Variants in KDM4C observed in about 807,000 individuals in gnomAD.
KDM4C encodes the protein lysine-specific demethylase 4C.
In KDM4C, 81 loss-of-function variants were observed where a neutral mutation model predicts 129.3. That is an observed-to-expected ratio of 0.63 (90% CI 0.52 to 0.75). The LOEUF is 0.75. Among genes scored for constraint, KDM4C ranks in the 30% least tolerant of loss-of-function variants. KDM4C has a pLI of 0.00. For missense variants in KDM4C, 1,457 were observed against 1,304.0 expected (o/e 1.12, Z -1.81); for synonymous variants, 573 against 456.1 (o/e 1.26, Z -3.26).
intron 8 of KDM4C, chr9:6,925,135 A>G (rs769741614): frequency 2.0e-6 from 2 of 985,322 alleles, no homozygotes; most frequent in Non-Finnish European, 2.4e-6. Context: ...TCTTTCATGG[A>G]TGCCAAGCAG....
At chr9:6,921,052 A>C (rs936439017) in intron 8 of KDM4C, among the ~76,000 whole-genome samples, 1 of 151,676 alleles carries the variant, frequency 6.6e-6, no homozygotes, top group African/African-American at 2.4e-5. Flanking sequence ...GAGATGGTAC[A>C]CATTTCTTGT....
intron 19 of KDM4C, among the ~76,000 whole-genome samples, chr9:7,132,488 C>A (rs1049341398): frequency 6.6e-6 from 1 of 152,212 alleles, no homozygotes; most frequent in African/African-American, 2.4e-5. Context: ...AAAATTCTTT[C>A]TCAACAATGC....
At chr9:6,869,996 G>C (rs1842618950) in intron 5 of KDM4C, among the ~76,000 whole-genome samples, 1 of 152,204 alleles carries the variant, frequency 6.6e-6, no homozygotes, top group Admixed American at 6.5e-5. Flanking sequence ...ATGTAACATA[G>C]TCGCATCTAT....
chr9:6,788,303 T>C (rs1825877382), intron 1 of KDM4C, among the ~76,000 whole-genome samples: 1 of 152,236 alleles, frequency 6.6e-6, no homozygotes, highest in Non-Finnish European at 1.5e-5. Flanking sequence ...AACTATTTGT[T>C]GAATGACTCA....
At chr9:6,986,716 C>T in intron 11 of KDM4C, 50 bp downstream of exon 11, 1 of 1,356,712 alleles carries the variant, frequency 7.4e-7, no homozygotes, top group Non-Finnish European at 1.0e-6. Flanking sequence ...GGTGAGAGCA[C>T]ATTTTGAAAA....
intron 17 of KDM4C, among the ~76,000 whole-genome samples, chr9:7,054,213 G>T (rs1830574825): frequency 6.6e-6 from 1 of 152,228 alleles, no homozygotes; most frequent in Non-Finnish European, 1.5e-5. Context: ...AGCCCATCTA[G>T]GGGGTTGTGT....
intron 3 of KDM4C, among the ~76,000 whole-genome samples, chr9:6,806,270 G>A (rs928615496): frequency 3.3e-5 from 5 of 152,062 alleles, no homozygotes; most frequent in African/African-American, 7.2e-5. Context: ...CAACGTGGGC[G>A]GATCACCTGA....
At chr9:6,857,084 C>G (rs945026677) in intron 5 of KDM4C, among the ~76,000 whole-genome samples, 11 of 152,138 alleles carry the variant, frequency 7.2e-5, no homozygotes, top group African/African-American at 2.2e-4. Context: ...GTTTTACACT[C>G]CAGGGCTCAA....
chr9:6,856,790 G>T (rs1233054440), intron 5 of KDM4C, among the ~76,000 whole-genome samples: 1 of 133,066 alleles, frequency 7.5e-6, no homozygotes, highest in African/African-American at 2.9e-5. Context: ...TCGCTCTGTC[G>T]CCCAGGCCGG....
chr9:6,848,585 C>G (rs1165433389), intron 4 of KDM4C, among the ~76,000 whole-genome samples: 1 of 152,064 alleles, frequency 6.6e-6, no homozygotes, highest in Non-Finnish European at 1.5e-5. Context: ...ATAAGAATTG[C>G]TCGAACCTGG....
At chr9:6,997,036 G>T (rs1200223525) in intron 12 of KDM4C, among the ~76,000 whole-genome samples, 2 of 152,116 alleles carry the variant, frequency 1.3e-5, no homozygotes, top group African/African-American at 4.8e-5. Flanking sequence ...CTACAAATGA[G>T]GGTCAGTCGG....
chr9:6,914,736 C>G (rs979220609), intron 8 of KDM4C, among the ~76,000 whole-genome samples: 15 of 152,188 alleles, frequency 9.9e-5, no homozygotes, highest in Admixed American at 5.2e-4. Flanking sequence ...CTTGAGGAAG[C>G]AAATTCGCCT....
intron 15 of KDM4C, among the ~76,000 whole-genome samples, chr9:7,018,331 T>C (rs1824056801): frequency 6.6e-6 from 1 of 152,250 alleles, no homozygotes; most frequent in Admixed American, 6.5e-5. Flanking sequence ...CAGTCCATCT[T>C]TGACCAAAAT....
intron 6 of KDM4C, among the ~76,000 whole-genome samples, chr9:6,880,273 C>T (rs192418755): frequency 4.5e-4 from 69 of 152,018 alleles, no homozygotes; most frequent in Non-Finnish European, 3.4e-4. Flanking sequence ...ATTGCATAAT[C>T]GTCATGGTTA....
chr9:6,958,804 G>A (rs578075540), intron 8 of KDM4C, among the ~76,000 whole-genome samples: 2 of 150,874 alleles, frequency 1.3e-5, no homozygotes, highest in East Asian at 2.0e-4. Context: ...ATGTGGTTGG[G>A]ACCACAGGTG....
At chr9:6,847,888 G>A (rs1838142292) in intron 4 of KDM4C, among the ~76,000 whole-genome samples, 1 of 152,154 alleles carries the variant, frequency 6.6e-6, no homozygotes, top group Non-Finnish European at 1.5e-5. Flanking sequence ...GCTTTAGACA[G>A]TAAGATTAAC....
chr9:7,036,019 AAG>A (rs955391163), intron 15 of KDM4C, among the ~76,000 whole-genome samples: 1 of 152,058 alleles, frequency 6.6e-6, no homozygotes, highest in Non-Finnish European at 1.5e-5. Context: ...TGTTTCTGTG[AAG>A]AGTGTCATTG....
chr9:6,787,064 G>A (rs924652622), intron 1 of KDM4C, among the ~76,000 whole-genome samples: 3 of 152,114 alleles, frequency 2.0e-5, no homozygotes, highest in Non-Finnish European at 4.4e-5. Context: ...TGATTTGTAG[G>A]TAGAAATAGT....
At chr9:7,079,241 T>G (rs1834259412) in intron 17 of KDM4C, among the ~76,000 whole-genome samples, 1 of 152,210 alleles carries the variant, frequency 6.6e-6, no homozygotes, top group Non-Finnish European at 1.5e-5. Flanking sequence ...AGAAATATTC[T>G]TTAGTGCCAA....
Sources: allele counts gnomAD v4.1 joint callset (sites outside exome capture counted in the v4.1 genomes callset), GRCh38; gene constraint gnomAD v4.1.1; transcripts MANE v1.5; gene names NCBI Gene and HGNC (gene_info 2026-07-23, HGNC 2026-07-21).